The following MEIOC variants were observed in gnomAD, a reference collection of about 807,000 sequenced individuals.
The protein encoded by MEIOC is meiosis-specific coiled-coil domain-containing protein MEIOC.
MEIOC carries 9 observed loss-of-function variants against 85.3 expected under a neutral mutation model. The observed-to-expected ratio is 0.11, with a 90% CI of 0.06 to 0.18. The LOEUF (loss-of-function observed/expected upper bound fraction) is 0.18. Ranked by LOEUF, MEIOC falls within the 10% of genes least tolerant of loss-of-function variation. MEIOC has a pLI of 1.00. For missense variants in MEIOC, 898 were observed against 1,129.4 expected, an observed-to-expected ratio of 0.80 and a Z score of 2.94; for synonymous variants, 365 against 393.7, an observed-to-expected ratio of 0.93 and a Z score of 0.86.
chr17:44,670,563 C>T (rs1971991360), intron 6 of MEIOC: 1 of 26,588 alleles, frequency 3.8e-5, no homozygotes, highest in African/African-American at 7.6e-5. Context: ...TTTTTTGAGG[C>T]GGGTCTCACT....
intron 2 of MEIOC, among the ~76,000 whole-genome samples, chr17:44,659,044 G>C (rs1316674395): frequency 1.3e-5 from 2 of 151,672 alleles, no homozygotes; most frequent in African/African-American, 4.8e-5. Flanking sequence ...TAAATTATAT[G>C]CTACCACTTA....
At position 44,666,979 on chromosome 17, in the gene MEIOC, C is replaced by T. The variant is rs539178788; in HGVS notation, c.1068C>T (p.Gly356=). Residue 356 remains glycine (G), a synonymous_variant, in exon 5 of 8, where the codon GGC becomes GGT. Transcript: ENST00000409122. ...SVQDSKKLAN[G]TPETPTVEAD... is the part of the protein sequence containing the mutation. ...AAGATAGCAAAAAATTAGCCAATGG[C>T]ACACCTGAAACACCAACTGTAGAAG... is the stretch of plus-strand genomic sequence containing the variant. 45 of 1,613,128 alleles carry T rather than the reference C, an allele frequency of 2.8e-5. No homozygotes were observed. The South Asian group carries it at 4.8e-4, about 17-fold the overall frequency.
At chr17:44,676,545 G>A (rs1157671654), downstream of MEIOC, among the ~76,000 whole-genome samples, 1 of 152,026 alleles carries the variant, frequency 6.6e-6, no homozygotes, top group African/African-American at 2.4e-5. Context: ...TTTGCAGCTG[G>A]GTGCCGGTGG....
intron 6 of MEIOC, chr17:44,671,188 G>C (rs1330213652): frequency 2.0e-5 from 3 of 150,680 alleles, no homozygotes; most frequent in Non-Finnish European, 1.5e-5. Context: ...ATGAGGTACA[G>C]CCAGATGTTA....
In MEIOC at chr17:44,656,559, T is replaced by G; in HGVS notation, c.-55T>G. ...GAGCCGGGCCTGGACGCCCCCCCCA[T>G]CACCCCCGTACCCCAGGAGCTGTGC... On this transcript the variant is annotated 5_prime_UTR_variant, in exon 1 of 8. Coordinates refer to ENST00000409122, the MANE Select transcript of MEIOC (RefSeq NM_001145080.3). 1 of 1,281,532 alleles carries G rather than the reference T, an allele frequency of 7.8e-7. No individual in the cohort carries two copies. Among genetic ancestry groups the G allele is most frequent in the Non-Finnish European group, 1.0e-6 (1 of 983,480 alleles). The allele number at this position is 1,281,532 out of a possible 1,614,324, so 79.4% of individuals were successfully genotyped here.
In MEIOC at chr17:44,667,163, T is replaced by C. The variant is rs1222705025; in HGVS notation, c.1252T>C (p.Leu418=). 5 of 1,613,918 alleles carry C rather than the reference T, an allele frequency of 3.1e-6. No individual in the cohort carries two copies. Among genetic ancestry groups the C allele is most frequent in the Non-Finnish European group, 3.4e-6 (4 of 1,179,888 alleles). ...KEAVFTADFG[L]TSEYGLKPHT... ...AGCAGTATTCACTGCTGATTTTGGC[T>C]TAACATCAGAATATGGACTAAAACC... The change falls in exon 5 of 8, where the codon TTA becomes CTA. Residue 418 remains leucine, a synonymous_variant. Transcript: ENST00000409122.
At position 44,667,195 on chromosome 17, in the gene MEIOC, A is replaced by G. The variant is rs759782330; in HGVS notation, c.1284A>G (p.Thr428=). The G allele has an allele frequency of 2.5e-6, 4 of 1,613,800 alleles. No homozygotes were observed. The East Asian group carries it at 6.7e-5, about 27-fold the overall frequency. ...LTSEYGLKPH[T]ACPANDFANV... ...CAGAATATGGACTAAAACCTCACACAGCTTGTCCCGCTAATGATTTTGCTA... is the reference window on the plus strand; with the variant it reads ...CAGAATATGGACTAAAACCTCACACGGCTTGTCCCGCTAATGATTTTGCTA... The change falls in exon 5 of 8, where the codon ACA becomes ACG. Residue 428 remains threonine (T), a synonymous_variant. Transcript: ENST00000409122.
At position 44,656,559 on chromosome 17, in the gene MEIOC, T is replaced by A. The variant is rs1971757664; in HGVS notation, c.-55T>A. ...GAGCCGGGCCTGGACGCCCCCCCCA[T>A]CACCCCCGTACCCCAGGAGCTGTGC... On this transcript the variant is annotated 5_prime_UTR_variant, in exon 1 of 8. Coordinates refer to ENST00000409122, the MANE Select transcript of MEIOC (RefSeq NM_001145080.3). 4 of 1,281,526 alleles carry A rather than the reference T, an allele frequency of 3.1e-6. No homozygotes were observed. Among genetic ancestry groups the A allele is most frequent in the African/African-American group, 3.2e-5 (2 of 63,026 alleles). 79.4% of individuals were successfully genotyped at this position (1,281,526 alleles called of 1,614,324 possible).
At chr17:44,673,841 G>A in intron 7 of MEIOC, 135 bp from the exon 8 acceptor site, 1 of 1,070,982 alleles carries the variant, frequency 9.3e-7, no homozygotes, top group Non-Finnish European at 1.3e-6. Flanking sequence ...CAGGACTTTG[G>A]TTCAATCAAT....
At position 44,673,427 on chromosome 17, in the gene MEIOC, C is replaced by T. The variant is rs1331840168; in HGVS notation, c.2519C>T (p.Ser840Phe). The change falls in exon 7 of 8, where the codon TCT (serine) becomes TTT (phenylalanine). Residue 840 changes from serine to phenylalanine, a missense_variant. By Grantham distance (155) the Ser-to-Phe change is radical. Transcript: ENST00000409122. ...AGTTCTCTTCTTCATGCCAGTATCTCTACTGCTCTTGATAGACACTTGGAG... is the reference window on the plus strand; with the variant it reads ...AGTTCTCTTCTTCATGCCAGTATCTTTACTGCTCTTGATAGACACTTGGAG... ...LRSSLLHASI[S>F]TALDRHLESI... The T allele has an allele frequency of 6.4e-7, 1 of 1,551,150 alleles. No individual in the cohort carries two copies. The highest frequency in any genetic ancestry group is 8.7e-7 in the Non-Finnish European group (1 of 1,146,900).
rs751799072 is a variant in MEIOC at position 44,666,701 on chromosome 17, C to A, written c.790C>A (p.Pro264Thr). ...DTAKTTFQEY[P>T]LIKNCFTPQT... ...AGCTAAGACAACATTCCAAGAATAT[C>A]CACTTATCAAAAACTGTTTTACACC... The change falls in exon 5 of 8, where the codon CCA becomes ACA. Residue 264 changes from proline (P) to threonine (T), a missense_variant. Transcript: ENST00000409122. 1.7e-5 allele frequency: 27 copies of A among 1,612,600 alleles called. No individual in the cohort carries two copies. The highest frequency in any genetic ancestry group is 2.1e-5 in the Non-Finnish European group (25 of 1,179,284).
rs560431935 is a variant in MEIOC, at chr17:44,675,502, A to G, written c.*1306A>G. ...GTTAGTGTTTTTCTTAGTTTTAGAA[A>G]TTCTGGTATTAAAAAAAAAAAGAGT... On this transcript the variant is annotated 3_prime_UTR_variant, in exon 8 of 8. Transcript: ENST00000409122. 7.8e-5 allele frequency: 76 copies of G among 972,076 alleles called. No individual in the cohort carries two copies. The highest frequency in any genetic ancestry group is 1.1e-3 in the Middle Eastern group (2 of 1,888). 60.2% of individuals were successfully genotyped at this position (972,076 alleles called of 1,614,324 possible).
intron 3 of MEIOC, 134 bp downstream of exon 3, chr17:44,662,605 A>G (rs1971856448): frequency 1.3e-5 from 9 of 669,308 alleles, no homozygotes. Flanking sequence ...AACTTTTAGG[A>G]AAGTGTAAAC....
At chr17:44,668,931 C>T (rs990435281) in intron 5 of MEIOC, among the ~76,000 whole-genome samples, 15 of 152,094 alleles carry the variant, frequency 9.9e-5, no homozygotes, top group South Asian at 2.1e-4. Context: ...TAGCTGGGCG[C>T]GGTGGCTCAC....
chr17:44,676,214 T>C (rs1038668185), downstream of MEIOC: 1 of 152,248 alleles, frequency 6.6e-6, no homozygotes, highest in East Asian at 1.9e-4. Context: ...ATGGTTCTTA[T>C]GTACTTGTAT....
At position 44,674,616 on chromosome 17, in the gene MEIOC, A is replaced by G; in HGVS notation, c.*420A>G. On this transcript the variant is annotated 3_prime_UTR_variant, in exon 8 of 8. Coordinates refer to ENST00000409122, the MANE Select transcript of MEIOC (RefSeq NM_001145080.3). The stretch of plus-strand genomic sequence containing the variant: ...AACCCAATTACGGCTACAGCCTAGT[A>G]ACCAAGACAAGTTTTGATTGTGATA... The G allele has an allele frequency of 1.0e-6, 1 of 990,392 alleles. No individual in the cohort carries two copies. Among genetic ancestry groups the G allele is most frequent in the Non-Finnish European group, 1.2e-6 (1 of 832,646 alleles). The allele number at this position is 990,392 out of a possible 1,614,324, so 61.4% of individuals were successfully genotyped here.
In MEIOC at chr17:44,674,146, A is replaced by C; in HGVS notation, c.2809A>C (p.Ile937Leu). The change falls in exon 8 of 8, where the codon ATA becomes CTA. Residue 937 changes from isoleucine to leucine, a missense_variant. Physicochemically the swap from Ile to Leu is conservative, Grantham distance 5 (BLOSUM62 2). This residue lies in a region of MEIOC where 164 missense variants were observed against 269.2 expected (regional missense o/e 0.61). Transcript: ENST00000409122. ...VNCEDKVHES[I>L]NSSNPMNQRG... Reference sequence around the variant, plus strand: ...CTGTGAAGATAAAGTCCATGAAAGCATAAATAGTAGCAATCCAATGAACCA... The same window carrying C: ...CTGTGAAGATAAAGTCCATGAAAGCCTAAATAGTAGCAATCCAATGAACCA... 6.4e-7 allele frequency: 1 copy of C among 1,551,750 alleles called. No homozygotes were observed. The highest frequency in any genetic ancestry group is 8.7e-7 in the Non-Finnish European group (1 of 1,146,990).
intron 2 of MEIOC, among the ~76,000 whole-genome samples, chr17:44,659,396 T>A (rs1251022560): frequency 2.0e-5 from 3 of 152,230 alleles, no homozygotes; most frequent in Non-Finnish European, 4.4e-5. Context: ...GTTTTAAGTA[T>A]GTTAAGGATA....
At chr17:44,660,079 C>A (rs1971823422) in intron 2 of MEIOC, among the ~76,000 whole-genome samples, 1 of 152,028 alleles carries the variant, frequency 6.6e-6, no homozygotes, top group African/African-American at 2.4e-5. Flanking sequence ...TCTTAATGTT[C>A]ACATTTTGTT....
Sources: allele counts gnomAD v4.1 joint callset (sites outside exome capture counted in the v4.1 genomes callset), GRCh38; gene constraint gnomAD v4.1.1; regional missense constraint gnomAD v4.1.1; transcripts MANE v1.5; gene names NCBI Gene and HGNC (gene_info 2026-07-23, HGNC 2026-07-21).